Variants in CTNNA2 observed in about 807,000 individuals in gnomAD.
The protein encoded by CTNNA2 is catenin alpha-2.
A neutral mutation model predicts 101.0 loss-of-function variants in CTNNA2; 42 were observed. The ratio of observed to expected loss-of-function variants is 0.42; its 90% CI spans 0.32 to 0.54. CTNNA2 has a LOEUF of 0.54. CTNNA2 is among the 20% of genes least tolerant of loss of function. The pLI is 0.14. For missense variants in CTNNA2, 871 were observed against 1,223.1 expected (o/e 0.71, Z 4.29); for synonymous variants, 450 against 456.4 (o/e 0.99, Z 0.18).
intron 7 of CTNNA2, among the ~76,000 whole-genome samples, chr2:80,265,825 C>T (rs1672964352): frequency 6.6e-6 from 1 of 152,184 alleles, no homozygotes; most frequent in African/African-American, 2.4e-5. Flanking sequence ...TTTCCCATAT[C>T]TGACCCATTC....
chr2:79,875,856 G>A (rs960115615), intron 6 of CTNNA2, among the ~76,000 whole-genome samples: 1 of 151,946 alleles, frequency 6.6e-6, no homozygotes, highest in African/African-American at 2.4e-5. Flanking sequence ...AGAAAATAAT[G>A]AGAGTTCAAA....
intron 3 of CTNNA2, among the ~76,000 whole-genome samples, chr2:79,808,206 C>T (rs1676727587): frequency 6.6e-6 from 1 of 152,010 alleles, no homozygotes; most frequent in African/African-American, 2.4e-5. Flanking sequence ...ATCTACTGTG[C>T]CAGTTGGGTT....
chr2:80,016,204 A>G (rs1223973941), intron 7 of CTNNA2, among the ~76,000 whole-genome samples: 2 of 152,238 alleles, frequency 1.3e-5, no homozygotes, highest in Non-Finnish European at 2.9e-5. Flanking sequence ...TCATTTATTC[A>G]TTATTACCTT....
intron 7 of CTNNA2, among the ~76,000 whole-genome samples, chr2:79,988,947 T>C (rs1419443771): frequency 6.6e-6 from 1 of 152,224 alleles, no homozygotes; most frequent in African/African-American, 2.4e-5. Flanking sequence ...CTGTATAGCT[T>C]TTGTTCAGGA....
chr2:80,606,506 C>T (rs1698042093), intron 16 of CTNNA2, among the ~76,000 whole-genome samples: 1 of 151,362 alleles, frequency 6.6e-6, no homozygotes, highest in Non-Finnish European at 1.5e-5. Flanking sequence ...AAGTTTAAAC[C>T]TAATCCTCTT....
At chr2:80,449,275 T>C (rs1370991200) in intron 9 of CTNNA2, among the ~76,000 whole-genome samples, 2 of 151,196 alleles carry the variant, frequency 1.3e-5, no homozygotes, top group East Asian at 3.9e-4. Context: ...AGCAAGACCC[T>C]GGTCTCTAAA....
intron 7 of CTNNA2, among the ~76,000 whole-genome samples, chr2:80,365,444 T>C (rs545912889): frequency 6.6e-6 from 1 of 152,268 alleles, no homozygotes; most frequent in Admixed American, 6.5e-5. Context: ...ATTTTGTAAA[T>C]TATTTTTTAC....
intron 2 of CTNNA2, among the ~76,000 whole-genome samples, chr2:79,660,494 TTG>T (rs1172588546): frequency 6.6e-6 from 1 of 151,838 alleles, no homozygotes; most frequent in East Asian, 1.9e-4. Flanking sequence ...AATATTTTTA[TTG>T]TTTTATAAAT....
intron 7 of CTNNA2, among the ~76,000 whole-genome samples, chr2:79,993,855 C>T (rs1692353227): frequency 4.6e-5 from 7 of 152,034 alleles, no homozygotes; most frequent in Admixed American, 4.6e-4. Context: ...ACTAAGTAAG[C>T]AAAAGAGGTT....
At chr2:79,377,218 A>T (rs767784233) in intron 4 of CTNNA2, among the ~76,000 whole-genome samples, 1 of 152,286 alleles carries the variant, frequency 6.6e-6, no homozygotes, top group African/African-American at 2.4e-5. Flanking sequence ...CTATGTTAAT[A>T]TAAAGTATCA....
chr2:79,844,299 T>C (rs758103874), intron 3 of CTNNA2, among the ~76,000 whole-genome samples: 4 of 152,148 alleles, frequency 2.6e-5, no homozygotes, highest in Non-Finnish European at 5.9e-5. Flanking sequence ...CAGGAAAAAT[T>C]GATTCTACTT....
intron 7 of CTNNA2, among the ~76,000 whole-genome samples, chr2:80,042,574 A>G (rs1265509777): frequency 6.6e-6 from 1 of 152,044 alleles, no homozygotes; most frequent in Non-Finnish European, 1.5e-5. Context: ...ACTCTAATCA[A>G]TCAAACAATG....
chr2:79,858,377 C>T (rs1681310507), intron 4 of CTNNA2, among the ~76,000 whole-genome samples, 198 bp downstream of exon 4: 1 of 152,076 alleles, frequency 6.6e-6, no homozygotes, highest in South Asian at 2.1e-4. Context: ...TTGTAAGACT[C>T]ACTTGAATTA....
intron 4 of CTNNA2, among the ~76,000 whole-genome samples, chr2:79,411,057 A>G (rs1393313566): frequency 1.3e-5 from 2 of 151,818 alleles, no homozygotes; most frequent in Admixed American, 1.3e-4. Context: ...GAATTTATCC[A>G]TTTCTTCTAG....
chr2:79,523,535 G>A (rs1672234856), intron 1 of CTNNA2, among the ~76,000 whole-genome samples: 1 of 151,878 alleles, frequency 6.6e-6, no homozygotes, highest in Non-Finnish European at 1.5e-5. Context: ...GTGCTATTAT[G>A]CTATTTCAAA....
intron 1 of CTNNA2, among the ~76,000 whole-genome samples, chr2:79,651,166 G>A (rs1299650659): frequency 6.6e-6 from 1 of 152,106 alleles, no homozygotes; most frequent in East Asian, 1.9e-4. Flanking sequence ...GTGTCACACT[G>A]AGACCTAATT....
At chr2:79,203,553 A>G (rs770386899) in intron 2 of CTNNA2, among the ~76,000 whole-genome samples, 15 of 152,216 alleles carry the variant, frequency 9.9e-5, no homozygotes, top group Non-Finnish European at 2.1e-4. Flanking sequence ...ACAGGTGCAA[A>G]ATAGCTCAAA....
intron 3 of CTNNA2, among the ~76,000 whole-genome samples, chr2:79,785,732 T>C (rs1179713938): frequency 6.6e-6 from 1 of 152,162 alleles, no homozygotes; most frequent in Non-Finnish European, 1.5e-5. Flanking sequence ...CACAGCTAGC[T>C]GGACTTTAGT....
At chr2:80,379,108 A>G (rs1471759021) in intron 7 of CTNNA2, among the ~76,000 whole-genome samples, 18 of 152,040 alleles carry the variant, frequency 1.2e-4, no homozygotes, top group Admixed American at 5.2e-4. Context: ...TTGGGAGTGA[A>G]TTTTCTTAAA....
Sources: allele counts gnomAD v4.1 joint callset (sites outside exome capture counted in the v4.1 genomes callset), GRCh38; gene constraint gnomAD v4.1.1; transcripts MANE v1.5; gene names NCBI Gene and HGNC (gene_info 2026-07-23, HGNC 2026-07-21).